Variants in LZIC observed in about 807,000 individuals in gnomAD.
LZIC encodes leucine zipper and CTNNBIP1 domain containing, also known as protein LZIC.
In LZIC, 28 loss-of-function variants were observed where a neutral mutation model predicts 25.4. That is an observed-to-expected ratio of 1.10 (90% CI 0.82 to 1.51). The LOEUF is 1.51. Ranked by LOEUF, LZIC falls within the 40% of genes most tolerant of loss-of-function variation. The pLI, the probability that LZIC is intolerant of heterozygous loss-of-function variation, is 0.00. For missense variants in LZIC, 170 were observed against 211.1 expected (o/e 0.81, Z 1.21); for synonymous variants, 65 against 70.7 (o/e 0.92, Z 0.40).
chr1:9,925,328 A>C (rs923815329), downstream of LZIC, among the ~76,000 whole-genome samples: 2 of 152,272 alleles, frequency 1.3e-5, no homozygotes, highest in Non-Finnish European at 2.9e-5. Context: ...ACAAACAAGC[A>C]AACAAACAAA....
At chr1:9,934,899 C>T (rs1570640420) in intron 4 of LZIC, 39 bp from the exon 5 acceptor site, 3 of 1,424,618 alleles carry the variant, frequency 2.1e-6, no homozygotes, top group East Asian at 4.5e-5. Flanking sequence ...CAAAATAGTC[C>T]AACAAATCAG....
At chr1:9,930,481 A>G (rs1167533399) in intron 7 of LZIC, 24 bp from the exon 8 acceptor site, 40 of 1,611,828 alleles carry the variant, frequency 2.5e-5, no homozygotes, top group Non-Finnish European at 3.4e-5. Flanking sequence ...CACATAATAA[A>G]CAAAAAGATT....
At chr1:9,924,340 A>T (rs1178536041), downstream of LZIC, among the ~76,000 whole-genome samples, 1 of 86,642 alleles carries the variant, frequency 1.2e-5, no homozygotes, top group Non-Finnish European at 3.7e-5. Flanking sequence ...CAATATCCAT[A>T]TTATTTTATT....
Position 9,942,691 on chromosome 1 carries a change from T to C in LZIC, c.-76A>G. 1 of 1,289,358 alleles carries C rather than the reference T, an allele frequency of 7.8e-7. No homozygotes were observed. Among genetic ancestry groups the C allele is most frequent in the African/African-American group, 1.5e-5 (1 of 65,994 alleles). The allele number at this position is 1,289,358 out of a possible 1,614,324, so 79.9% of individuals were successfully genotyped here. ...TCAAATTGCACAAACCTCCAGTTCTTGACGTTCCGAGTGTCATAAACTTGA... is the reference window on the plus strand; with the variant it reads ...TCAAATTGCACAAACCTCCAGTTCTCGACGTTCCGAGTGTCATAAACTTGA... On this transcript the variant is annotated 5_prime_UTR_variant, in exon 2 of 8. Coordinates refer to ENST00000377223, the MANE Select transcript of LZIC (RefSeq NM_032368.5).
chr1:9,929,273 T>C lies in LZIC; in HGVS notation c.*1126A>G. On this transcript the variant is annotated 3_prime_UTR_variant, in exon 8 of 8. Transcript: ENST00000377223. ...TGGCAAAGCACCTAGTAGTTTACAG[T>C]ACAGAAGAAGCTTTAAAAATGCTTT... The C allele has an allele frequency of 2.0e-6, 2 of 978,204 alleles. No individual in the cohort carries two copies. The highest frequency in any genetic ancestry group is 4.7e-5 in the South Asian group (1 of 21,120). The allele number at this position is 978,204 out of a possible 1,614,324, so 60.6% of individuals were successfully genotyped here. A position where few individuals can be genotyped will look rare whatever the true frequency, so the allele number is the denominator to read the frequency against.
chr1:9,923,697 AAG>A (rs1034972453), downstream of LZIC, among the ~76,000 whole-genome samples: 8 of 151,766 alleles, frequency 5.3e-5, no homozygotes, highest in African/African-American at 1.2e-4. Context: ...TCAAGAAAAA[AAG>A]AGAAAAAAAT....
At chr1:9,926,116 A>C (rs1343493159), downstream of LZIC, among the ~76,000 whole-genome samples, 5 of 151,858 alleles carry the variant, frequency 3.3e-5, no homozygotes, top group Admixed American at 6.6e-5. Flanking sequence ...GATGGTCTCG[A>C]TCTTATGATC....
At position 9,928,757 on chromosome 1, in the gene LZIC, TCCCAGC is replaced by T. The variant is rs1390766211; in HGVS notation, c.*1636_*1641del. Among the ~76,000 whole-genome samples, 1 of 150,572 alleles carries T rather than the reference TCCCAGC, an allele frequency of 6.6e-6. No individual in the cohort carries two copies. The highest frequency in any genetic ancestry group is 2.0e-4 in the East Asian group (1 of 5,090). ...TGGGCGTGGTGGTACACACTAGTAATCCCAGCTACTTGGGAAGCTGAGGCAGGAGAA... is the reference window on the plus strand; with the variant it reads ...TGGGCGTGGTGGTACACACTAGTAATTACTTGGGAAGCTGAGGCAGGAGAA... On this transcript the variant is annotated 3_prime_UTR_variant, in exon 8 of 8. Transcript: ENST00000377223.
Position 9,930,066 on chromosome 1 carries a change from C to T in LZIC, c.*333G>A, listed in dbSNP as rs1557433979. 9.5e-7 allele frequency: 1 copy of T among 1,053,538 alleles called. No individual in the cohort carries two copies. Among genetic ancestry groups the T allele is most frequent in the South Asian group, 3.8e-5 (1 of 26,150 alleles). The allele number at this position is 1,053,538 out of a possible 1,614,324, so 65.3% of individuals were successfully genotyped here. Reference sequence around the variant, plus strand: ...GCAGAAAAATATCATTACTTCACATCTTTTCGTTCACTATCAACACTTAAA... The same window carrying T: ...GCAGAAAAATATCATTACTTCACATTTTTTCGTTCACTATCAACACTTAAA... On this transcript the variant is annotated 3_prime_UTR_variant, in exon 8 of 8. Transcript: ENST00000377223.
At chr1:9,924,269 T>C (rs930246512), downstream of LZIC, among the ~76,000 whole-genome samples, 3 of 152,240 alleles carry the variant, frequency 2.0e-5, no homozygotes, top group Admixed American at 6.5e-5. Context: ...CCGCTATATA[T>C]CTAAATGTAT....
At chr1:9,930,540 T>TG in intron 7 of LZIC, 83 bp from the exon 8 acceptor site, 1 of 1,565,034 alleles carries the variant, frequency 6.4e-7, no homozygotes, top group Non-Finnish European at 8.7e-7. Flanking sequence ...AAATCTATCA[T>TG]ATAGATATTA....
chr1:9,922,930 GACTAT>G (rs151245870), downstream of LZIC, among the ~76,000 whole-genome samples: 115 of 152,308 alleles, frequency 7.6e-4, no homozygotes, highest in African/African-American at 2.7e-3. Flanking sequence ...TACTGAGACA[GACTAT>G]ACTATAACAC....
chr1:9,939,097 A>G (rs1036763542), intron 2 of LZIC, among the ~76,000 whole-genome samples: 1 of 151,186 alleles, frequency 6.6e-6, no homozygotes, highest in Admixed American at 6.6e-5. Context: ...TTTTTTTTTT[A>G]GACTGAGTCT....
At position 9,930,107 on chromosome 1, in the gene LZIC, T is replaced by TA. The variant is rs1236298988; in HGVS notation, c.*291dup. On this transcript the variant is annotated 3_prime_UTR_variant, in exon 8 of 8. Transcript: ENST00000377223. ...AACACTTAAAAACAAACAGCCTTAA[T>TA]AAAAATCAAGTCCACTTTGTTTTCT... The TA allele has an allele frequency of 8.8e-7, 1 of 1,140,952 alleles. No homozygotes were observed. The highest frequency in any genetic ancestry group is 1.1e-6 in the Non-Finnish European group (1 of 925,668). The allele number at this position is 1,140,952 out of a possible 1,614,324, so 70.7% of individuals were successfully genotyped here.
Position 9,930,456 on chromosome 1 carries a change from G to A in LZIC, c.516C>T (p.Gly172=). 1 of 1,612,796 alleles carries A rather than the reference G, an allele frequency of 6.2e-7. No homozygotes were observed. The highest frequency in any genetic ancestry group is 1.1e-5 in the South Asian group (1 of 90,872). ...CCAGAGCAAGAATTTTGTCTCCAGA[G>A]CCTAAGAAAAAAGACACATAATAAA... The part of the protein sequence containing the change: ...SQFEKVSTDL[G]SGDKILALAS... Residue 172 remains glycine (G), a splice_region_variant and synonymous_variant, in exon 8 of 8, where the codon GGC becomes GGT. Transcript: ENST00000377223.
intron 1 of LZIC, 90 bp from the exon 2 acceptor site, chr1:9,942,872 C>T (rs2101621228): frequency 2.6e-6 from 1 of 391,980 alleles, no homozygotes; most frequent in African/African-American, 2.1e-5. Context: ...CTTGAGCAGC[C>T]TGAGACATCA....
intron 6 of LZIC, among the ~76,000 whole-genome samples, 183 bp downstream of exon 6, chr1:9,932,620 T>A (rs1570634743): frequency 1.4e-5 from 2 of 140,894 alleles, no homozygotes; most frequent in South Asian, 2.2e-4. Context: ...GAGGGGGAGG[T>A]TGCAGTGAGC....
intron 2 of LZIC, among the ~76,000 whole-genome samples, chr1:9,939,782 C>A (rs917617311): frequency 6.6e-6 from 1 of 152,042 alleles, no homozygotes; most frequent in African/African-American, 2.4e-5. Context: ...ACTTTCTCTT[C>A]CAGATGAATT....
At position 9,926,682 on chromosome 1, in the gene LZIC, C is replaced by A. The variant is rs1436723695; in HGVS notation, c.*3717G>T. ...GACACTTGCTCATTGGAACTTATTT[C>A]TGCTTCAGCTCTAGTTCTTTGAGAA... On this transcript the variant is annotated 3_prime_UTR_variant, in exon 8 of 8. Transcript: ENST00000377223. Among the ~76,000 whole-genome samples the A allele has an allele frequency of 6.6e-6, 1 of 152,228 alleles. No individual in the cohort carries two copies. The highest frequency in any genetic ancestry group is 1.9e-4 in the East Asian group (1 of 5,198).
Sources: allele counts gnomAD v4.1 joint callset (sites outside exome capture counted in the v4.1 genomes callset), GRCh38; gene constraint gnomAD v4.1.1; transcripts MANE v1.5; gene names NCBI Gene and HGNC (gene_info 2026-07-23, HGNC 2026-07-21).